The following MACROD2 variants were observed in gnomAD, a reference collection of about 807,000 sequenced individuals.
MACROD2 encodes the protein ADP-ribose glycohydrolase MACROD2.
MACROD2 carries 36 observed loss-of-function variants against 70.4 expected under a neutral mutation model. The ratio of observed to expected loss-of-function variants is 0.51; its 90% CI spans 0.39 to 0.68. The LOEUF is 0.68. MACROD2 is among the 30% of genes least tolerant of loss of function. The pLI is 0.00. For synonymous variants in MACROD2, 172 were observed against 178.8 expected, an observed-to-expected ratio of 0.96 and a Z score of 0.30; for missense variants, 496 against 538.4, an observed-to-expected ratio of 0.92 and a Z score of 0.78.
chr20:15,154,091 C>T (rs189024083), intron 5 of MACROD2, among the ~76,000 whole-genome samples: 12 of 152,266 alleles, frequency 7.9e-5, no homozygotes, highest in African/African-American at 1.9e-4. Flanking sequence ...TTTCTTTAGT[C>T]CTGCTTTTAC....
At chr20:14,466,396 A>G (rs1021583542) in intron 3 of MACROD2, among the ~76,000 whole-genome samples, 1 of 151,856 alleles carries the variant, frequency 6.6e-6, no homozygotes, top group African/African-American at 2.4e-5. Flanking sequence ...AGGTCCTTTA[A>G]GGACTTCTCT....
At chr20:15,053,425 A>G (rs79474139) in intron 5 of MACROD2, among the ~76,000 whole-genome samples, 4,034 of 152,226 alleles carry the variant, frequency 0.027, 203 homozygotes, top group African/African-American at 0.092. Flanking sequence ...CCATTTTGGA[A>G]TTTCTATCGT....
chr20:15,984,115 CTTTTTTTAA>C (rs2066442196), intron 13 of MACROD2, among the ~76,000 whole-genome samples: 1 of 151,092 alleles, frequency 6.6e-6, no homozygotes, highest in African/African-American at 2.4e-5. Flanking sequence ...ATTTTATAGA[CTTTTTTTAA>C]CTTTTTATAA....
At chr20:14,227,107 A>G (rs1013899171) in intron 3 of MACROD2, among the ~76,000 whole-genome samples, 2 of 152,146 alleles carry the variant, frequency 1.3e-5, no homozygotes, top group African/African-American at 4.8e-5. Context: ...TTGTGAATGC[A>G]CCAATCTATA....
chr20:15,204,438 C>T (rs2076683867), intron 5 of MACROD2, among the ~76,000 whole-genome samples: 1 of 152,076 alleles, frequency 6.6e-6, no homozygotes, highest in East Asian at 1.9e-4. Flanking sequence ...AGCATCACTT[C>T]TTTTTATTAT....
chr20:14,935,125 T>TCACACACACACACACACA (rs112374854), intron 5 of MACROD2: 3 of 149,468 alleles, frequency 2.0e-5, no homozygotes, highest in East Asian at 2.0e-4. Context: ...ATCCTATATT[T>TCACACACACACACACACA]CACACACACA....
At chr20:15,490,352 A>G (rs1358986723) in intron 7 of MACROD2, among the ~76,000 whole-genome samples, 2 of 151,238 alleles carry the variant, frequency 1.3e-5, no homozygotes, top group South Asian at 2.1e-4. Context: ...GCAGCCTCCA[A>G]TTCCTAGTCT....
chr20:14,918,609 T>G (rs959537952), intron 5 of MACROD2, among the ~76,000 whole-genome samples: 1 of 128,164 alleles, frequency 7.8e-6, no homozygotes, highest in Non-Finnish European at 1.6e-5. Context: ...TGACACTGTG[T>G]TTTTTTTGTT....
At chr20:14,219,321 T>A (rs1201400212) in intron 3 of MACROD2, among the ~76,000 whole-genome samples, 4 of 152,152 alleles carry the variant, frequency 2.6e-5, no homozygotes, top group Non-Finnish European at 5.9e-5. Context: ...CTTGTTCAAT[T>A]ATATTGCTGA....
intron 8 of MACROD2, among the ~76,000 whole-genome samples, chr20:15,653,542 A>T (rs924823510): frequency 2.0e-5 from 3 of 152,206 alleles, no homozygotes; most frequent in African/African-American, 7.2e-5. Flanking sequence ...TGGTTGGCTC[A>T]GTCATAAAAG....
chr20:14,091,864 A>C (rs917363940), intron 3 of MACROD2, among the ~76,000 whole-genome samples: 1 of 152,100 alleles, frequency 6.6e-6, no homozygotes, highest in African/African-American at 2.4e-5. Flanking sequence ...GATTCTTTTC[A>C]GTATTTTGCT....
intron 2 of MACROD2, among the ~76,000 whole-genome samples, chr20:14,070,133 A>AT (rs1428727293): frequency 2.0e-5 from 3 of 152,088 alleles, no homozygotes; most frequent in Non-Finnish European, 2.9e-5. Flanking sequence ...TTTGGAAGGG[A>AT]TTTTTGCACA....
At chr20:14,962,527 TTC>T (rs1410453703) in intron 5 of MACROD2, among the ~76,000 whole-genome samples, 17 of 135,900 alleles carry the variant, frequency 1.3e-4, no homozygotes, top group South Asian at 2.3e-4. Context: ...CTCTCTCTCT[TTC>T]TCTCTCTCTC....
intron 8 of MACROD2, among the ~76,000 whole-genome samples, chr20:15,741,594 A>G (rs1272359276): frequency 1.3e-5 from 2 of 152,072 alleles, no homozygotes; most frequent in Non-Finnish European, 2.9e-5. Context: ...TGTTCAGATG[A>G]CACATTTTAA....
chr20:14,493,495 T>C lies in MACROD2; in HGVS notation c.288T>C (p.Leu96=), dbSNP rs1259881132. Reference sequence around the variant, plus strand: ...TTTAAACAGCAAATGCCAGTCTTCTTGGAGGAGGAGGTGGTAAGTCCTGAA... The same window carrying C: ...TTTAAACAGCAAATGCCAGTCTTCTCGGAGGAGGAGGTGGTAAGTCCTGAA... ...AIVNAANASL[L]GGGGVDGCIH... is the part of the protein sequence containing the mutation. The change falls in exon 4 of 18, where the codon CTT becomes CTC. Residue 96 remains leucine (L), a synonymous_variant. Coordinates refer to ENST00000684519, the MANE Select transcript of MACROD2 (RefSeq NM_001351661.2). 1 of 1,609,144 alleles carries C rather than the reference T, an allele frequency of 6.2e-7. No homozygotes were observed. The highest frequency in any genetic ancestry group is 1.1e-5 in the South Asian group (1 of 90,720).
intron 3 of MACROD2, among the ~76,000 whole-genome samples, chr20:14,214,816 AT>A (rs1267787202): frequency 2.0e-5 from 3 of 151,924 alleles, no homozygotes; most frequent in Non-Finnish European, 2.9e-5. Flanking sequence ...TTGTGTCCTC[AT>A]AGCTTAGCTC....
intron 3 of MACROD2, among the ~76,000 whole-genome samples, chr20:14,431,394 T>C (rs1362376774): frequency 6.6e-6 from 1 of 152,158 alleles, no homozygotes; most frequent in East Asian, 1.9e-4. Flanking sequence ...CACAAGAATT[T>C]ATTTTTAAGA....
chr20:15,200,297 G>C (rs536283782), intron 5 of MACROD2, among the ~76,000 whole-genome samples: 30 of 152,272 alleles, frequency 2.0e-4, no homozygotes, highest in African/African-American at 7.2e-4. Context: ...TATATATTCA[G>C]TCACCTTCCT....
rs1025609189 is a variant in MACROD2, at chr20:15,045,482, G to A, written c.419-184458G>A. Among the ~76,000 whole-genome samples the A allele has an allele frequency of 1.1e-4, 17 of 152,100 alleles. No individual in the cohort carries two copies. In the South Asian group the frequency reaches 1.2e-3, roughly 11 times the overall value. ...GCTTGCAGGCATGTCTCCACGTTGC[G>A]CGGAAAACATGATGTTTAGCTGTTG... On this transcript the variant is annotated intron_variant, in intron 5 of 17. Transcript: ENST00000684519.
Sources: allele counts gnomAD v4.1 joint callset (sites outside exome capture counted in the v4.1 genomes callset), GRCh38; gene constraint gnomAD v4.1.1; transcripts MANE v1.5; gene names NCBI Gene and HGNC (gene_info 2026-07-23, HGNC 2026-07-21).